Variants in CNTNAP5 observed in about 807,000 individuals in gnomAD.
The protein encoded by CNTNAP5 is contactin-associated protein-like 5.
In CNTNAP5, 72 loss-of-function variants were observed where a neutral mutation model predicts 150.2. The ratio of observed to expected loss-of-function variants is 0.48; its 90% confidence interval spans 0.40 to 0.58. The LOEUF is 0.58. Ranked by LOEUF, CNTNAP5 falls within the 20% of genes least tolerant of loss-of-function variation. CNTNAP5 has a pLI of 0.00. For missense variants in CNTNAP5, 1,636 were observed against 1,626.2 expected (o/e 1.01, Z -0.10); for synonymous variants, 672 against 619.8 (o/e 1.08, Z -1.25).
At chr2:124,715,412 T>A (rs1178653197) in intron 13 of CNTNAP5, among the ~76,000 whole-genome samples, 1 of 152,112 alleles carries the variant, frequency 6.6e-6, no homozygotes, top group East Asian at 1.9e-4. Context: ...CACTCATTGC[T>A]CTCTGTCATC....
chr2:124,266,709 T>C (rs1017726327), intron 3 of CNTNAP5, among the ~76,000 whole-genome samples: 8 of 152,156 alleles, frequency 5.3e-5, no homozygotes, highest in Non-Finnish European at 8.8e-5. Context: ...CTATGAACTT[T>C]ATATCATGTT....
rs372233156 is a variant in CNTNAP5 at position 124,515,701 on chromosome 2, AG to A, written c.1328-8599del. Among the ~76,000 whole-genome samples the A allele has an allele frequency of 2.9e-3, 447 of 152,288 alleles. 3 individuals are homozygous for A. Among genetic ancestry groups the A allele is most frequent in the African/African-American group, 1.0e-2 (415 of 41,552 alleles). The stretch of plus-strand genomic sequence containing the variant: ...TGGATTTTGATAGCAGGAAATGGTA[AG>A]GGTAGCGTATAGGTGGAGCAGAGGC... On this transcript the variant is annotated intron_variant, in intron 8 of 23. Coordinates refer to ENST00000682447, the MANE Select transcript of CNTNAP5 (RefSeq NM_001367498.1).
At position 124,417,602 on chromosome 2, in the gene CNTNAP5, C is replaced by T. The variant is rs746278745; in HGVS notation, c.529+12C>T. On this transcript the variant is annotated intron_variant, in intron 4 of 23. Coordinates refer to ENST00000682447, the MANE Select transcript of CNTNAP5 (RefSeq NM_001367498.1). Reference sequence around the variant, plus strand: ...CGGATGTTCCTATAGTAAGTACTCACATGTACCCTTTACCATTGCTGAGTG... The same window carrying T: ...CGGATGTTCCTATAGTAAGTACTCATATGTACCCTTTACCATTGCTGAGTG... The T allele has an allele frequency of 1.2e-5, 20 of 1,609,948 alleles. No individual in the cohort carries two copies. The highest frequency in any genetic ancestry group is 1.6e-4 in the Middle Eastern group (1 of 6,066).
chr2:124,244,711 T>C (rs1318830232), intron 3 of CNTNAP5, among the ~76,000 whole-genome samples: 1 of 152,112 alleles, frequency 6.6e-6, no homozygotes, highest in Non-Finnish European at 1.5e-5. Flanking sequence ...CCATGACCGG[T>C]CATGTACAGT....
Position 124,041,304 on chromosome 2 carries a change from T to C in CNTNAP5, c.82+15572T>C, listed in dbSNP as rs146632380. Reference sequence around the variant, plus strand: ...GACTTATTGGGTTCCTATAGCTAAGTGTTTTGTGGTTCATCAGGAAATGAT... The same window carrying C: ...GACTTATTGGGTTCCTATAGCTAAGCGTTTTGTGGTTCATCAGGAAATGAT... On this transcript the variant is annotated intron_variant, in intron 1 of 23. Coordinates refer to ENST00000682447, the MANE Select transcript of CNTNAP5 (RefSeq NM_001367498.1). Among the ~76,000 whole-genome samples the C allele has an allele frequency of 6.0e-3, 910 of 152,310 alleles. 11 individuals carry two copies. Among genetic ancestry groups the C allele is most frequent in the African/African-American group, 0.02 (836 of 41,570 alleles).
intron 1 of CNTNAP5, among the ~76,000 whole-genome samples, chr2:124,184,780 T>C (rs1685294329): frequency 6.6e-6 from 1 of 152,092 alleles, no homozygotes; most frequent in African/African-American, 2.4e-5. Flanking sequence ...CTGGAACAAA[T>C]AGGAGATTTT....
chr2:124,483,611 A>T (rs1012908569), intron 7 of CNTNAP5, among the ~76,000 whole-genome samples: 1 of 152,126 alleles, frequency 6.6e-6, no homozygotes, highest in African/African-American at 2.4e-5. Context: ...TCCTTGTCCC[A>T]CCTTCTCCTC....
intron 1 of CNTNAP5, among the ~76,000 whole-genome samples, chr2:124,049,666 C>A (rs1681638370): frequency 6.6e-6 from 1 of 152,104 alleles, no homozygotes; most frequent in Non-Finnish European, 1.5e-5. Context: ...GGTAATGATA[C>A]CTACCCCGAT....
intron 3 of CNTNAP5, among the ~76,000 whole-genome samples, chr2:124,343,153 T>C (rs1315708630): frequency 6.6e-6 from 1 of 152,078 alleles, no homozygotes; most frequent in Admixed American, 6.5e-5. Context: ...TTCATTATAA[T>C]AAAAAAGCAA....
chr2:124,854,903 T>G (rs1018105030), intron 19 of CNTNAP5, among the ~76,000 whole-genome samples: 1 of 152,156 alleles, frequency 6.6e-6, no homozygotes, highest in African/African-American at 2.4e-5. Flanking sequence ...GGACTGGGTC[T>G]TAAATAATGA....
At chr2:124,865,240 C>T (rs191734745) in intron 19 of CNTNAP5, 66 bp from the exon 20 acceptor site, 1 of 1,278,338 alleles carries the variant, frequency 7.8e-7, no homozygotes, top group East Asian at 2.6e-5. Flanking sequence ...AAAAGATAAT[C>T]TGATCATGTC....
chr2:124,798,320 G>C lies in CNTNAP5; in HGVS notation c.3217G>C (p.Gly1073Arg), dbSNP rs772641478. Residue 1073 changes from glycine to arginine, a missense_variant and splice_region_variant, in exon 19 of 24, where the codon GGA (glycine) becomes CGA (arginine). Physicochemically the swap from Gly to Arg is moderately radical, Grantham distance 125. Coordinates refer to ENST00000682447, the MANE Select transcript of CNTNAP5 (RefSeq NM_001367498.1). ...DFVVVLLCKN[G>R]SLQVRYHLNK... ...CGTGGTTGTTCTGCTCTGCAAGAATGGTGAGTGTGATGGCATGATACCCAG... is the reference window on the plus strand; with the variant it reads ...CGTGGTTGTTCTGCTCTGCAAGAATCGTGAGTGTGATGGCATGATACCCAG... 1 of 1,605,712 alleles carries C rather than the reference G, an allele frequency of 6.2e-7. No individual in the cohort carries two copies. The highest frequency in any genetic ancestry group is 1.1e-5 in the South Asian group (1 of 90,866).
chr2:124,512,572 G>A (rs1265344528), intron 8 of CNTNAP5, among the ~76,000 whole-genome samples: 2 of 152,078 alleles, frequency 1.3e-5, no homozygotes, highest in African/African-American at 4.8e-5. Flanking sequence ...CAAGGCAAAT[G>A]GCTTATCGGA....
At chr2:124,832,256 A>G (rs554155017) in intron 19 of CNTNAP5, among the ~76,000 whole-genome samples, 17 of 152,168 alleles carry the variant, frequency 1.1e-4, no homozygotes, top group Non-Finnish European at 2.1e-4. Flanking sequence ...CTTAAGTCAC[A>G]TGAACTGGAA....
chr2:124,642,453 C>T (rs1248490787), intron 12 of CNTNAP5, among the ~76,000 whole-genome samples: 2 of 152,156 alleles, frequency 1.3e-5, no homozygotes, highest in Non-Finnish European at 2.9e-5. Context: ...CTTGACGAAG[C>T]CATCCAGAAG....
In CNTNAP5 at chr2:124,434,503, T is replaced by C; in HGVS notation, c.549T>C (p.Phe183=). The C allele has an allele frequency of 6.2e-7, 1 of 1,613,906 alleles. No homozygotes were observed. The highest frequency in any genetic ancestry group is 8.5e-7 in the Non-Finnish European group (1 of 1,179,776). ...TCCCAGAATCAGATGTTGCTGACTT[T>C]GATGGCCGAAGCTCACTTCTGTACA... ...GCSYKSDVAD[F]DGRSSLLYRF... Residue 183 remains phenylalanine (F), a synonymous_variant, in exon 5 of 24, where the codon TTT becomes TTC. Coordinates refer to ENST00000682447, the MANE Select transcript of CNTNAP5 (RefSeq NM_001367498.1).
At chr2:124,828,681 A>G (rs576609237) in intron 19 of CNTNAP5, among the ~76,000 whole-genome samples, 1 of 146,130 alleles carries the variant, frequency 6.8e-6, no homozygotes, top group East Asian at 2.0e-4. Flanking sequence ...TATTTGCTTA[A>G]CAAATGTTTA....
chr2:124,572,491 TAAAGA>T (rs1207315016), intron 11 of CNTNAP5, among the ~76,000 whole-genome samples: 1 of 152,136 alleles, frequency 6.6e-6, no homozygotes, highest in Non-Finnish European at 1.5e-5. Context: ...AAAGTCTTCT[TAAAGA>T]AGAGATTGGA....
At chr2:124,357,012 G>C (rs1169620109) in intron 3 of CNTNAP5, among the ~76,000 whole-genome samples, 1 of 152,186 alleles carries the variant, frequency 6.6e-6, no homozygotes, top group Non-Finnish European at 1.5e-5. Flanking sequence ...ACTGGTGTGA[G>C]ATGGTATCTC....
Sources: allele counts gnomAD v4.1 joint callset (sites outside exome capture counted in the v4.1 genomes callset), GRCh38; gene constraint gnomAD v4.1.1; transcripts MANE v1.5; gene names NCBI Gene and HGNC (gene_info 2026-07-23, HGNC 2026-07-21).